ZFYVE26: variants seen among roughly 807,000 people sequenced by gnomAD.
The protein encoded by ZFYVE26 is zinc finger FYVE-type containing 26, also known as zinc finger FYVE domain-containing protein 26.
Under a neutral mutation model 276.5 loss-of-function variants are expected in ZFYVE26, and 181 were observed. That is an observed-to-expected ratio of 0.65 (90% CI 0.58 to 0.74). ZFYVE26 has a LOEUF of 0.74. ZFYVE26 is among the 30% of genes least tolerant of loss of function. ZFYVE26 has a pLI of 0.00. For synonymous variants in ZFYVE26, 1,129 were observed against 1,203.1 expected, an observed-to-expected ratio of 0.94 and a Z score of 1.27; for missense variants, 2,821 against 3,097.9, an observed-to-expected ratio of 0.91 and a Z score of 2.12.
exon 14 of ZFYVE26, chr14:67,729,778 G>C (rs866226124): frequency 4.0e-6 from 2 of 501,924 alleles, no homozygotes; most frequent in Middle Eastern, 3.2e-4. Context: ...CTCTCTCTTC[G>C]GTGTGAACTC....
intron 13 of ZFYVE26, among the ~76,000 whole-genome samples, chr14:67,736,866 G>A (rs1192054906): frequency 1.3e-5 from 2 of 152,112 alleles, no homozygotes; most frequent in Non-Finnish European, 2.9e-5. Context: ...AGGGTTAGGT[G>A]ATCCTGTTCC....
chr14:67,776,938 G>A (rs1242042297), intron 25 of ZFYVE26, among the ~76,000 whole-genome samples: 1 of 152,238 alleles, frequency 6.6e-6, no homozygotes, highest in East Asian at 1.9e-4. Context: ...GAGGGCCCTA[G>A]CTCTCTTCAA....
At chr14:67,788,316 G>C (rs11623098) in intron 16 of ZFYVE26, among the ~76,000 whole-genome samples, 11,554 of 152,296 alleles carry the variant, frequency 0.076, 646 homozygotes, top group Non-Finnish European at 0.12. Context: ...TTGAACCCGG[G>C]AGGTGGAAGT....
At chr14:67,798,735 T>C in intron 10 of ZFYVE26, 113 bp from the exon 11 acceptor site, 15 of 1,354,692 alleles carry the variant, frequency 1.1e-5, no homozygotes, top group Non-Finnish European at 1.5e-5. Flanking sequence ...CTCATTTATT[T>C]ATTTTTTAAT....
chr14:67,785,204 A>G lies in ZFYVE26; in HGVS notation c.3378T>C (p.Pro1126=), dbSNP rs767594471. ...GGAGGAGCTGAGTCTGGATCTGCACAGGGTGGGCCTCTGCCTCTGGAGCTT... is the reference window on the plus strand; with the variant it reads ...GGAGGAGCTGAGTCTGGATCTGCACGGGGTGGGCCTCTGCCTCTGGAGCTT... The part of the protein sequence containing the change: ...AQKAPEAEAH[P]VQIQTQLLQK... Residue 1126 remains proline (P), a synonymous_variant, in exon 19 of 42, where the codon CCT becomes CCC. Coordinates refer to ENST00000347230, the MANE Select transcript of ZFYVE26 (RefSeq NM_015346.4). 5 of 1,614,078 alleles carry G rather than the reference A, an allele frequency of 3.1e-6. No homozygotes were observed. The highest frequency in any genetic ancestry group is 4.2e-6 in the Non-Finnish European group (5 of 1,179,968).
At position 67,781,373 on chromosome 14, in the gene ZFYVE26, T is replaced by C; in HGVS notation, c.4529A>G (p.Glu1510Gly). The C allele has an allele frequency of 6.2e-7, 1 of 1,614,202 alleles. No homozygotes were observed. Among genetic ancestry groups the C allele is most frequent in the Middle Eastern group, 1.6e-4 (1 of 6,062 alleles). Residue 1510 changes from glutamate to glycine, a missense_variant, in exon 22 of 42, where the codon GAG becomes GGG. Coordinates refer to ENST00000347230, the MANE Select transcript of ZFYVE26 (RefSeq NM_015346.4). Reference sequence around the variant, plus strand: ...CAGCTCCGCCAGCTTCCTCTGTAGCTCACACTTTAGTCCTTCTTGGACAGC... The same window carrying C: ...CAGCTCCGCCAGCTTCCTCTGTAGCCCACACTTTAGTCCTTCTTGGACAGC... ...DTAVQEGLKC[E>G]LQRKLAELQV...
intron 40 of ZFYVE26, among the ~76,000 whole-genome samples, chr14:67,751,902 C>T (rs959500703): frequency 2.0e-5 from 3 of 151,286 alleles, no homozygotes; most frequent in African/African-American, 7.3e-5. Flanking sequence ...AACCATAACA[C>T]TAAGCTTCAG....
rs149329726 is a variant in ZFYVE26 at position 67,764,397 on chromosome 14, T to C, written c.6012-1578A>G. Among the ~76,000 whole-genome samples, 36 of 152,338 alleles carry C rather than the reference T, an allele frequency of 2.4e-4. 1 individual carries two copies. Among genetic ancestry groups the C allele is most frequent in the African/African-American group, 8.7e-4 (36 of 41,576 alleles). ...GTAGTAGGTGGTGAGTTTATTTTTA[T>C]GTTTTTAGAGACAGGGTCTCACTAC... On this transcript the variant is annotated intron_variant, in intron 32 of 41. Transcript: ENST00000347230.
In ZFYVE26 at chr14:67,799,152, CT is replaced by C. The variant is rs1345495948; in HGVS notation, c.1640-531del. On this transcript the variant is annotated intron_variant, in intron 10 of 41. Coordinates refer to ENST00000347230, the MANE Select transcript of ZFYVE26 (RefSeq NM_015346.4). The stretch of plus-strand genomic sequence containing the variant: ...TGGCGGCTACTCTTTAAAAAGATAT[CT>C]TTAGAGGACATTCAAGCTTTTGAAA... 6 of 1,543,854 alleles carry C rather than the reference CT, an allele frequency of 3.9e-6. No homozygotes were observed. The East Asian group carries it at 1.3e-4, about 35-fold the overall frequency.
rs376544044 is a variant in ZFYVE26, at chr14:67,807,460, T to C, written c.824A>G (p.Tyr275Cys). Residue 275 changes from tyrosine to cysteine, a missense_variant, in exon 5 of 42, where the codon TAT (tyrosine) becomes TGT (cysteine). Physicochemically the swap from Tyr to Cys is radical, Grantham distance 194 (BLOSUM62 -2). Transcript: ENST00000347230. Reference sequence around the variant, plus strand: ...GACCTTCTCTGCATAGGTATGGCCATACAGGGACAGCAGGCCCCGGCTGGC... The same window carrying C: ...GACCTTCTCTGCATAGGTATGGCCACACAGGGACAGCAGGCCCCGGCTGGC... Reference protein sequence around the residue: ...HKASRGLLSLYGHTYAEKVTE... With the variant: ...HKASRGLLSLCGHTYAEKVTE... The C allele has an allele frequency of 2.2e-5, 35 of 1,613,990 alleles. No individual in the cohort carries two copies. The highest frequency in any genetic ancestry group is 2.8e-5 in the Non-Finnish European group (33 of 1,179,988).
chr14:67,740,768 C>T (rs558462365), intron 13 of ZFYVE26, among the ~76,000 whole-genome samples: 37 of 152,122 alleles, frequency 2.4e-4, no homozygotes, highest in Admixed American at 1.3e-3. Context: ...ATTAGCCGGG[C>T]GCAGTGGCAG....
At chr14:67,761,257 C>G in intron 35 of ZFYVE26, 109 bp downstream of exon 35, 1 of 1,040,514 alleles carries the variant, frequency 9.6e-7, no homozygotes, top group Non-Finnish European at 1.5e-6. Flanking sequence ...GGCCCCATAG[C>G]TCAACACAGG....
At chr14:67,813,156 G>A (rs1048966077) in intron 3 of ZFYVE26, among the ~76,000 whole-genome samples, 12 of 152,098 alleles carry the variant, frequency 7.9e-5, no homozygotes, top group Admixed American at 2.0e-4. Flanking sequence ...AAAAACTGGC[G>A]AAATTACAGA....
intron 6 of ZFYVE26, among the ~76,000 whole-genome samples, chr14:67,805,895 C>CA (rs1953893355): frequency 6.6e-6 from 1 of 152,142 alleles, no homozygotes; most frequent in African/African-American, 2.4e-5. Flanking sequence ...GGCATGGTGG[C>CA]ACATGCCTGT....
At chr14:67,804,417 A>G (rs183016785) in intron 8 of ZFYVE26, among the ~76,000 whole-genome samples, 153 bp from the exon 9 acceptor site, 154 of 152,250 alleles carry the variant, frequency 1.0e-3, no homozygotes, top group Non-Finnish European at 1.6e-3. Context: ...TTTGGGACTG[A>G]GCCTAACATT....
In ZFYVE26 at chr14:67,783,467, T is replaced by C. The variant is rs2039563704; in HGVS notation, c.3685A>G (p.Ser1229Gly). 1 of 1,613,830 alleles carries C rather than the reference T, an allele frequency of 6.2e-7. No homozygotes were observed. Among genetic ancestry groups the C allele is most frequent in the Admixed American group, 1.7e-5 (1 of 60,004 alleles). ...LSLSVPQVIV[S>G]CCCEPLALCS... Reference sequence around the variant, plus strand: ...AGAGCAAGGGGCTCACAGCAGCAGCTGACGATGACCTGTGGCACACTTAGG... The same window carrying C: ...AGAGCAAGGGGCTCACAGCAGCAGCCGACGATGACCTGTGGCACACTTAGG... Residue 1229 changes from serine (S) to glycine (G), a missense_variant, in exon 21 of 42, where the codon AGC becomes GGC. Physicochemically the swap from Ser to Gly is moderately conservative, Grantham distance 56. Coordinates refer to ENST00000347230, the MANE Select transcript of ZFYVE26 (RefSeq NM_015346.4).
At chr14:67,779,878 A>C (rs1356878588) in intron 23 of ZFYVE26, among the ~76,000 whole-genome samples, 1 of 151,980 alleles carries the variant, frequency 6.6e-6, no homozygotes, top group East Asian at 1.9e-4. Context: ...TAGTTATTTT[A>C]TTTTATTTTT....
At chr14:67,743,720 G>A (rs558008843), downstream of ZFYVE26, among the ~76,000 whole-genome samples, 2 of 152,144 alleles carry the variant, frequency 1.3e-5, no homozygotes, top group East Asian at 3.9e-4. Context: ...AGTTAAGGGG[G>A]GCAGTCAAGA....
Position 67,755,929 on chromosome 14 carries a change from AG to A in ZFYVE26, c.6786+18del. The A allele has an allele frequency of 6.2e-7, 1 of 1,614,168 alleles. No individual in the cohort carries two copies. The highest frequency in any genetic ancestry group is 1.1e-5 in the South Asian group (1 of 91,090). The stretch of plus-strand genomic sequence containing the variant: ...GGCACCAGCAACAGAGGTAGAAGGC[AG>A]GAAGGGGCTGCCATTACCTTCATAA... On this transcript the variant is annotated intron_variant, in intron 36 of 41. Coordinates refer to ENST00000347230, the MANE Select transcript of ZFYVE26 (RefSeq NM_015346.4).
Sources: gnomAD v4.1 joint callset for allele counts (sites outside exome capture counted in the v4.1 genomes callset) on GRCh38, gnomAD v4.1.1 for gene constraint, MANE v1.5 for transcripts, NCBI Gene and HGNC (gene_info 2026-07-23, HGNC 2026-07-21) for gene names.